The following APBA1 variants were observed in gnomAD, a reference collection of about 807,000 sequenced individuals.
APBA1 encodes the protein amyloid-beta A4 precursor protein-binding family A member 1.
Under a neutral mutation model 86.6 loss-of-function variants are expected in APBA1, and 55 were observed. That is an observed-to-expected ratio of 0.64 (90% CI 0.51 to 0.80). The LOEUF is 0.80. APBA1 is among the 30% of genes least tolerant of loss of function. APBA1 has a pLI of 0.00. For missense variants in APBA1, 1,090 were observed against 1,183.0 expected, an observed-to-expected ratio of 0.92 and a Z score of 1.15; for synonymous variants, 511 against 493.9, an observed-to-expected ratio of 1.03 and a Z score of -0.46.
intron 1 of APBA1, among the ~76,000 whole-genome samples, chr9:69,559,694 C>T (rs1255061226): frequency 6.6e-6 from 1 of 152,174 alleles, no homozygotes; most frequent in African/African-American, 2.4e-5. Context: ...TCAGAGAATG[C>T]TGCCAGTTGA....
chr9:69,446,177 T>C (rs1834904256), intron 10 of APBA1, among the ~76,000 whole-genome samples: 1 of 152,150 alleles, frequency 6.6e-6, no homozygotes, highest in African/African-American at 2.4e-5. Flanking sequence ...TAGAGAATTT[T>C]AAAAAGGTGA....
At chr9:69,594,474 T>A (rs1356153911) in intron 1 of APBA1, among the ~76,000 whole-genome samples, 1 of 152,024 alleles carries the variant, frequency 6.6e-6, no homozygotes, top group Non-Finnish European at 1.5e-5. Context: ...ATGAAACAGG[T>A]GATCAGAAGA....
chr9:69,592,770 C>A (rs539644320), intron 1 of APBA1, among the ~76,000 whole-genome samples: 4 of 152,108 alleles, frequency 2.6e-5, no homozygotes, highest in East Asian at 3.9e-4. Flanking sequence ...CCCAGCCATG[C>A]GGAACTCTGA....
chr9:69,558,985 G>C (rs1836907517), intron 1 of APBA1, among the ~76,000 whole-genome samples: 1 of 152,144 alleles, frequency 6.6e-6, no homozygotes, highest in South Asian at 2.1e-4. Flanking sequence ...TTGTTATCTA[G>C]CACCTTAATT....
At chr9:69,492,771 C>T (rs1388067989) in intron 2 of APBA1, among the ~76,000 whole-genome samples, 5 of 152,098 alleles carry the variant, frequency 3.3e-5, no homozygotes, top group Non-Finnish European at 7.3e-5. Context: ...GGCCTTGGCA[C>T]ACTGCTGATT....
intron 1 of APBA1, among the ~76,000 whole-genome samples, chr9:69,623,710 G>A (rs1018437733): frequency 2.6e-5 from 4 of 152,190 alleles, no homozygotes; most frequent in African/African-American, 7.2e-5. Context: ...TTGGGGTGGA[G>A]TCCAGGAACC....
chr9:69,429,004 G>C lies in APBA1; in HGVS notation c.*2323C>G, dbSNP rs1250513868. 6.6e-6 allele frequency: 1 copy of C among 152,202 alleles called. No homozygotes were observed. The highest frequency in any genetic ancestry group is 2.4e-5 in the African/African-American group (1 of 41,446). The allele number at this position is 152,202 out of a possible 1,614,324, so 9.4% of individuals were successfully genotyped here. A position where few individuals can be genotyped will look rare whatever the true frequency, so the allele number is the denominator to read the frequency against. On this transcript the variant is annotated 3_prime_UTR_variant, in exon 13 of 13. Transcript: ENST00000265381. Reference sequence around the variant, plus strand: ...ACAAGGTTTTTGTGCAATAGGAATAGAAAGTATATTCTCTCCTTTAGGTGA... The same window carrying C: ...ACAAGGTTTTTGTGCAATAGGAATACAAAGTATATTCTCTCCTTTAGGTGA...
intron 1 of APBA1, among the ~76,000 whole-genome samples, chr9:69,571,705 G>C (rs549023963): frequency 1.1e-4 from 16 of 152,230 alleles, no homozygotes; most frequent in Admixed American, 7.8e-4. Flanking sequence ...TTCTAGTGTT[G>C]ATAACTATTA....
chr9:69,491,605 T>TA (rs199676293), intron 2 of APBA1, among the ~76,000 whole-genome samples: 22,451 of 144,732 alleles, frequency 0.16, 2,237 homozygotes, highest in East Asian at 0.28. Flanking sequence ...AAGTATTATT[T>TA]AAAAAAAAAA....
At chr9:69,582,195 G>A (rs773386178) in intron 1 of APBA1, among the ~76,000 whole-genome samples, 1 of 152,060 alleles carries the variant, frequency 6.6e-6, no homozygotes, top group Admixed American at 6.5e-5. Flanking sequence ...GCATCTAACC[G>A]AGCACTTAAC....
intron 1 of APBA1, among the ~76,000 whole-genome samples, chr9:69,626,006 C>G (rs1171924002): frequency 6.6e-6 from 1 of 152,174 alleles, no homozygotes; most frequent in Non-Finnish European, 1.5e-5. Context: ...GAGACTCAAA[C>G]ATTAACTACC....
intron 1 of APBA1, among the ~76,000 whole-genome samples, chr9:69,559,473 C>T (rs1272067384): frequency 6.6e-6 from 1 of 152,140 alleles, no homozygotes; most frequent in Non-Finnish European, 1.5e-5. Flanking sequence ...AAATGGAATC[C>T]TATGGTGGGT....
intron 11 of APBA1, among the ~76,000 whole-genome samples, chr9:69,436,892 G>T (rs1482596534): frequency 6.6e-6 from 1 of 151,754 alleles, no homozygotes; most frequent in Non-Finnish European, 1.5e-5. Context: ...TGTCCATTCG[G>T]TATGATATTG....
chr9:69,635,624 C>T (rs558540376), intron 1 of APBA1, among the ~76,000 whole-genome samples: 1 of 152,024 alleles, frequency 6.6e-6, no homozygotes, highest in Admixed American at 6.5e-5. Context: ...TAAAAACACA[C>T]ACAGACTGAA....
At position 69,590,927 on chromosome 9, in the gene APBA1, C is replaced by T. The variant is rs193080346; in HGVS notation, c.-69-73648G>A. 4.8e-3 allele frequency among the ~76,000 whole-genome samples: 733 copies of T among 152,308 alleles called. 3 individuals are homozygous for T. Among genetic ancestry groups the T allele is most frequent in the Middle Eastern group, 0.017 (5 of 294 alleles). On this transcript the variant is annotated intron_variant, in intron 1 of 12. Coordinates refer to ENST00000265381, the MANE Select transcript of APBA1 (RefSeq NM_001163.4). ...TGAAAACCAAAGTCCTAAGAGAAAG[C>T]TAATGGCTTTCTGCTGAAAGTTTTC...
In APBA1 at chr9:69,456,297, C is replaced by A. The variant is rs1161946793; in HGVS notation, c.1738G>T (p.Asp580Tyr). 1 of 1,614,200 alleles carries A rather than the reference C, an allele frequency of 6.2e-7. No homozygotes were observed. Among genetic ancestry groups the A allele is most frequent in the Non-Finnish European group, 8.5e-7 (1 of 1,180,028 alleles). ...ATCATCTTGTACTGCCTTTTCCCAT[C>A]CTGGGATGGGTGGGACGCTTCCACG... ...ENVEASHPSQDGKRQYKMICH... is the reference protein window; with the variant it reads ...ENVEASHPSQYGKRQYKMICH... Residue 580 changes from aspartate (D) to tyrosine (Y), a missense_variant, in exon 8 of 13, where the codon GAT (aspartate) becomes TAT (tyrosine). By Grantham distance (160) the Asp-to-Tyr change is radical. Transcript: ENST00000265381.
intron 1 of APBA1, among the ~76,000 whole-genome samples, chr9:69,529,139 A>G (rs1836386585): frequency 6.6e-6 from 1 of 152,056 alleles, no homozygotes; most frequent in Non-Finnish European, 1.5e-5. Context: ...GCTTCTTTGT[A>G]TTCATAGATC....
intron 1 of APBA1, among the ~76,000 whole-genome samples, chr9:69,592,199 C>T (rs1822144137): frequency 6.6e-6 from 1 of 152,204 alleles, no homozygotes; most frequent in South Asian, 2.1e-4. Flanking sequence ...CATTAGAATG[C>T]TGAACAGGAA....
At position 69,588,999 on chromosome 9, in the gene APBA1, G is replaced by A. The variant is rs151129026; in HGVS notation, c.-69-71720C>T. 1.7e-3 allele frequency among the ~76,000 whole-genome samples: 256 copies of A among 152,252 alleles called. 1 individual carries two copies. The highest frequency in any genetic ancestry group is 5.9e-3 in the African/African-American group (247 of 41,540). ...AGACAGGGTCTGGCTCTGTTGCCTA[G>A]GTTGGAATGCAGTGGCACAATCTCA... On this transcript the variant is annotated intron_variant, in intron 1 of 12. Coordinates refer to ENST00000265381, the MANE Select transcript of APBA1 (RefSeq NM_001163.4).
Sources: allele counts gnomAD v4.1 joint callset (sites outside exome capture counted in the v4.1 genomes callset), GRCh38; gene constraint gnomAD v4.1.1; transcripts MANE v1.5; gene names NCBI Gene and HGNC (gene_info 2026-07-23, HGNC 2026-07-21).